Variants in LARP1 observed in about 807,000 individuals in gnomAD.
LARP1 encodes La ribonucleoprotein 1, translational regulator.
LARP1 carries 36 observed loss-of-function variants against 122.7 expected under a neutral mutation model. The ratio of observed to expected loss-of-function variants is 0.29; its 90% CI spans 0.22 to 0.39. The LOEUF (loss-of-function observed/expected upper bound fraction) is 0.39, where lower values mean the gene tolerates loss of function less well. Among genes scored for constraint, LARP1 ranks in the 10% least tolerant of loss-of-function variants. The pLI is 1.00. For synonymous variants in LARP1, 539 were observed against 528.7 expected (o/e 1.02, Z -0.27); for missense variants, 1,040 against 1,403.6 (o/e 0.74, Z 4.14).
intron 1 of LARP1, among the ~76,000 whole-genome samples, chr5:154,724,519 C>T (rs1369077128): frequency 6.6e-6 from 1 of 152,164 alleles, no homozygotes; most frequent in African/African-American, 2.4e-5. Flanking sequence ...CTATTGAGAA[C>T]TTAAAGCAAG....
rs190647770 is a variant in LARP1, at chr5:154,759,366, T to C, written c.436+3173T>C. On this transcript the variant is annotated intron_variant, in intron 1 of 18. Transcript: ENST00000518297. ...CTTTCCTTTTCTTGTGTTATATAAGTACTCCGTGAAATGTATGGGATCTGT... is the reference window on the plus strand; with the variant it reads ...CTTTCCTTTTCTTGTGTTATATAAGCACTCCGTGAAATGTATGGGATCTGT... 4.6e-3 allele frequency among the ~76,000 whole-genome samples: 702 copies of C among 152,342 alleles called. 4 individuals carry two copies. Among genetic ancestry groups the C allele is most frequent in the Non-Finnish European group, 6.1e-3 (414 of 68,026 alleles).
At position 154,802,039 on chromosome 5, in the gene LARP1, C is replaced by T. The variant is rs769026043; in HGVS notation, c.1749C>T (p.Thr583=). 1 of 1,613,736 alleles carries T rather than the reference C, an allele frequency of 6.2e-7. No homozygotes were observed. The highest frequency in any genetic ancestry group is 8.5e-7 in the Non-Finnish European group (1 of 1,179,856). Residue 583 remains threonine (T), a synonymous_variant, in exon 11 of 19, where the codon ACC becomes ACT. Coordinates refer to ENST00000518297, the MANE Select transcript of LARP1 (RefSeq NM_033551.3). This position sits in a 1 kb window ranked among gnomAD's most constrained non-coding sequence, Gnocchi z 5.1. ...AGGAGTCCAGATTTTCCCACCTGAC[C>T]TCTCTGCCTCAGCAGCTGCCTTCCC... ...KSEESRFSHL[T]SLPQQLPSQQ... is the part of the protein sequence containing the mutation.
intron 1 of LARP1, among the ~76,000 whole-genome samples, chr5:154,689,129 G>A (rs1386659232): frequency 2.0e-5 from 3 of 151,900 alleles, no homozygotes; most frequent in Admixed American, 6.6e-5. Flanking sequence ...GACCAGCCTC[G>A]CCAACATGGC....
rs577267053 is a variant in LARP1, at chr5:154,699,318, T to A, written c.-180+16281T>A. Among the ~76,000 whole-genome samples the A allele has an allele frequency of 5.9e-5, 9 of 152,180 alleles. No homozygotes were observed. In the East Asian group the frequency reaches 1.7e-3, roughly 29 times the overall value. On this transcript the variant is annotated intron_variant, in intron 1 of 18. Coordinates refer to the LARP1 transcript ENST00000687700. ...TTAAAATAAAGATTCTTGGGCCCCA[T>A]TCCTGGAGATTCAAATTTTGTAAGA...
chr5:154,794,087 G>C lies in LARP1; in HGVS notation c.1070-13G>C, dbSNP rs182483949. On this transcript the variant is annotated splice_polypyrimidine_tract_variant and intron_variant, in intron 6 of 18. Coordinates refer to ENST00000518297, the MANE Select transcript of LARP1 (RefSeq NM_033551.3). ...GAATCTCCTCTCCCTCATGGCACCC[G>C]TTTCCCCCATAGCCCATTTTGACTA... 6.2e-7 allele frequency: 1 copy of C among 1,613,824 alleles called. No homozygotes were observed. Among genetic ancestry groups the C allele is most frequent in the African/African-American group, 1.3e-5 (1 of 74,918 alleles).
upstream of LARP1, among the ~76,000 whole-genome samples, chr5:154,712,012 T>C (rs1755245138): frequency 6.6e-6 from 1 of 152,230 alleles, no homozygotes; most frequent in Non-Finnish European, 1.5e-5. Flanking sequence ...ACTTATCTAA[T>C]TGGCTTGTTT....
chr5:154,755,258 C>CG (rs11416035), upstream of LARP1, among the ~76,000 whole-genome samples: 145,879 of 146,974 alleles, frequency 0.99, 72,393 homozygotes, highest in Middle Eastern at 1. Flanking sequence ...GCCCGGCCAG[C>CG]GGCGCGCCCC....
At chr5:154,685,663 G>A (rs560280564) in intron 1 of LARP1, 4 of 358,484 alleles carry the variant, frequency 1.1e-5, no homozygotes, top group African/African-American at 4.3e-5. Context: ...TAGTCTATAC[G>A]ATGCCTTTGT....
intron 8 of LARP1, among the ~76,000 whole-genome samples, chr5:154,796,200 A>G (rs1757839158): frequency 7.4e-6 from 1 of 134,662 alleles, no homozygotes; most frequent in African/African-American, 2.8e-5. Context: ...ATATATATAT[A>G]TAGTTTGTGA....
Position 154,805,348 on chromosome 5 carries a change from C to G in LARP1, c.2547-533C>G, listed in dbSNP as rs544519088. 5 of 193,150 alleles carry G rather than the reference C, an allele frequency of 2.6e-5. No individual in the cohort carries two copies. In the South Asian group the frequency reaches 4.5e-4, roughly 18 times the overall value. The allele number at this position is 193,150 out of a possible 1,614,324, so 12.0% of individuals were successfully genotyped here. On this transcript the variant is annotated intron_variant, in intron 14 of 18. Coordinates refer to ENST00000518297, the MANE Select transcript of LARP1 (RefSeq NM_033551.3). ...GAAGGAGGGGTTGGTCTTGCTCTCT[C>G]GAGTGGCAAAGGGGAATCATCATAA...
chr5:154,774,049 A>AT (rs543076767), intron 1 of LARP1, among the ~76,000 whole-genome samples: 19,801 of 142,744 alleles, frequency 0.14, 1,628 homozygotes, highest in African/African-American at 0.25. Context: ...GCCTGGCTTC[A>AT]TTTTTTTTTT....
intron 1 of LARP1, among the ~76,000 whole-genome samples, chr5:154,769,143 T>G (rs1331598134): frequency 6.6e-6 from 1 of 152,166 alleles, no homozygotes; most frequent in Admixed American, 6.5e-5. Flanking sequence ...CTGGCCAAAT[T>G]GTGTACTTTA....
At chr5:154,783,648 G>A (rs749034777) in intron 1 of LARP1, among the ~76,000 whole-genome samples, 5 of 152,094 alleles carry the variant, frequency 3.3e-5, no homozygotes, top group Admixed American at 2.6e-4. Context: ...TCCACCATGT[G>A]TCTTGGGTTC....
rs1238439642 is a variant in LARP1 at position 154,816,857 on chromosome 5, G to C, written c.*2761G>C. The C allele has an allele frequency of 6.6e-6, 1 of 152,258 alleles. No homozygotes were observed. The highest frequency in any genetic ancestry group is 1.5e-5 in the Non-Finnish European group (1 of 68,078). The allele number at this position is 152,258 out of a possible 1,614,324, so 9.4% of individuals were successfully genotyped here. A position where few individuals can be genotyped will look rare whatever the true frequency, so the allele number is the denominator to read the frequency against. ...TGTGCCTCAGCCCTGTTAAGGGGCA[G>C]GTTTCTCTTTAGCCCTCTTCCTGCA... On this transcript the variant is annotated 3_prime_UTR_variant, in exon 19 of 19. Coordinates refer to ENST00000518297, the MANE Select transcript of LARP1 (RefSeq NM_033551.3).
At chr5:154,715,368 G>A (rs1337111000) in intron 1 of LARP1, among the ~76,000 whole-genome samples, 6 of 144,876 alleles carry the variant, frequency 4.1e-5, no homozygotes, top group South Asian at 4.6e-4. Flanking sequence ...GGGTTCAAGC[G>A]ATTCTCCTGC....
At chr5:154,729,607 CCAG>C (rs1756434032) in intron 1 of LARP1, 10 of 418,954 alleles carry the variant, frequency 2.4e-5, no homozygotes, top group South Asian at 1.8e-4. Flanking sequence ...AGATGAAGCA[CCAG>C]CCACTCCACC....
intron 1 of LARP1, among the ~76,000 whole-genome samples, chr5:154,768,516 A>G (rs1755132986): frequency 1.3e-5 from 2 of 152,226 alleles, no homozygotes; most frequent in Non-Finnish European, 2.9e-5. Context: ...CTAGCTTTAA[A>G]AAGAAATCAG....
chr5:154,795,453 TCTC>T (rs925084053), intron 8 of LARP1, 134 bp downstream of exon 8: 2 of 771,378 alleles, frequency 2.6e-6, no homozygotes, highest in African/African-American at 1.8e-5. Context: ...GCTTGGCTAG[TCTC>T]CTCCTCTCCC....
At position 154,795,146 on chromosome 5, in the gene LARP1, G is replaced by A. The variant is rs375877744; in HGVS notation, c.1233-29G>A. The A allele has an allele frequency of 1.6e-4, 251 of 1,609,868 alleles. No individual in the cohort carries two copies. In the African/African-American group the frequency reaches 2.7e-3, roughly 17 times the overall value. On this transcript the variant is annotated intron_variant, in intron 7 of 18. Transcript: ENST00000518297. ...CATAAAACTGATGCACCAATCCCTC[G>A]GTGATAACTACTTCTTCCCTCCACT...
Sources: gnomAD v4.1 joint callset for allele counts (sites outside exome capture counted in the v4.1 genomes callset) on GRCh38, gnomAD v4.1.1 for gene constraint, Gnocchi (gnomAD v3.1) non-coding constraint, MANE v1.5 for transcripts, NCBI Gene and HGNC (gene_info 2026-07-23, HGNC 2026-07-21) for gene names.